The following NPAS3 variants were observed in gnomAD, a reference collection of about 807,000 sequenced individuals.
The protein encoded by NPAS3 is neuronal PAS domain protein 3, also known as neuronal PAS domain-containing protein 3.
NPAS3 carries 14 observed loss-of-function variants against 73.1 expected under a neutral mutation model. The ratio of observed to expected loss-of-function variants is 0.19; its 90% CI spans 0.13 to 0.30. The LOEUF is 0.30. Among genes scored for constraint, NPAS3 ranks in the 10% least tolerant of loss-of-function variants. The probability of loss-of-function intolerance (pLI) is 1.00; values close to 1 mark genes in which losing one functional copy is unlikely to be tolerated. For synonymous variants in NPAS3, 620 were observed against 541.5 expected (o/e 1.14, Z -2.01); for missense variants, 1,096 against 1,250.0 (o/e 0.88, Z 1.86).
chr14:33,245,284 A>T (rs1446604873), intron 3 of NPAS3, among the ~76,000 whole-genome samples: 1 of 152,186 alleles, frequency 6.6e-6, no homozygotes, highest in African/African-American at 2.4e-5. Flanking sequence ...ACTACTACTG[A>T]GTATTTCTGT....
At chr14:33,101,198 GTGT>G (rs1405882771) in intron 2 of NPAS3, among the ~76,000 whole-genome samples, 11 of 152,092 alleles carry the variant, frequency 7.2e-5, no homozygotes, top group African/African-American at 2.4e-4. Flanking sequence ...GCATTTCTGA[GTGT>G]TTGCCAATTT....
At chr14:33,784,752 T>TTTTTTTTTTA in intron 9 of NPAS3, among the ~76,000 whole-genome samples, 1 of 112,686 alleles carries the variant, frequency 8.9e-6, no homozygotes, top group Non-Finnish European at 1.8e-5. Flanking sequence ...TTTATTTTTT[T>TTTTTTTTTTA]TTTTTTTTTT....
intron 7 of NPAS3, among the ~76,000 whole-genome samples, chr14:33,753,256 ATAT>A (rs1347846765): frequency 1.3e-5 from 2 of 151,898 alleles, no homozygotes; most frequent in Non-Finnish European, 2.9e-5. Flanking sequence ...TTTATCAATA[ATAT>A]TGTTTTTCTG....
At chr14:33,708,067 A>C (rs1373198311) in intron 6 of NPAS3, among the ~76,000 whole-genome samples, 3 of 152,040 alleles carry the variant, frequency 2.0e-5, no homozygotes, top group African/African-American at 4.8e-5. Context: ...ACAAAAAAAA[A>C]CACAAAAAAG....
intron 5 of NPAS3, among the ~76,000 whole-genome samples, chr14:33,591,011 A>G (rs1777320264): frequency 6.6e-6 from 1 of 151,966 alleles, no homozygotes; most frequent in Admixed American, 6.6e-5. Flanking sequence ...CTTGGGCAGA[A>G]CTCCTACCCT....
chr14:33,204,850 C>T (rs978688966), intron 2 of NPAS3, among the ~76,000 whole-genome samples: 4 of 152,110 alleles, frequency 2.6e-5, no homozygotes, highest in Admixed American at 1.3e-4. Context: ...AGCATTTTCT[C>T]CAAATACTTC....
At chr14:33,046,189 G>A (rs1409971441) in intron 1 of NPAS3, among the ~76,000 whole-genome samples, 1 of 152,172 alleles carries the variant, frequency 6.6e-6, no homozygotes, top group Admixed American at 6.5e-5. Flanking sequence ...ACCATTGTAG[G>A]AGAGAAAATG....
intron 5 of NPAS3, among the ~76,000 whole-genome samples, chr14:33,588,009 T>C (rs1246197088): frequency 6.6e-6 from 1 of 152,226 alleles, no homozygotes; most frequent in Non-Finnish European, 1.5e-5. Flanking sequence ...TTAAAGATTA[T>C]CTGTCTTAGT....
At chr14:33,465,316 A>G (rs1397289861) in intron 4 of NPAS3, among the ~76,000 whole-genome samples, 1 of 152,214 alleles carries the variant, frequency 6.6e-6, no homozygotes, top group Non-Finnish European at 1.5e-5. Flanking sequence ...TTTATTAAGA[A>G]GTTATATGGT....
At chr14:33,056,935 T>C (rs2138541931) in intron 2 of NPAS3, among the ~76,000 whole-genome samples, 1 of 152,354 alleles carries the variant, frequency 6.6e-6, no homozygotes, top group East Asian at 1.9e-4. Flanking sequence ...TCTTAACTTC[T>C]TTTGTAGTAG....
At chr14:33,608,487 C>T (rs1595266994) in intron 5 of NPAS3, 2 of 152,078 alleles carry the variant, frequency 1.3e-5, no homozygotes, top group East Asian at 3.9e-4. Context: ...ATAAATAATA[C>T]AGTGAATAAA....
At chr14:33,264,859 G>A (rs2049112399) in intron 3 of NPAS3, among the ~76,000 whole-genome samples, 1 of 152,168 alleles carries the variant, frequency 6.6e-6, no homozygotes. Context: ...GTTCCTCAGA[G>A]ACCAGGGACC....
intron 6 of NPAS3, among the ~76,000 whole-genome samples, chr14:33,731,668 A>G (rs901737759): frequency 6.6e-6 from 1 of 152,142 alleles, no homozygotes; most frequent in Non-Finnish European, 1.5e-5. Flanking sequence ...GGAATCATGA[A>G]CAGATGTGGA....
intron 2 of NPAS3, among the ~76,000 whole-genome samples, chr14:33,095,660 TTATTTTTTTA>T (rs1163681339): frequency 3.7e-4 from 19 of 51,848 alleles, no homozygotes; most frequent in Non-Finnish European, 5.2e-4. Flanking sequence ...TTCTCTGCTT[TTATTTTTTTA>T]TTTTTTTTTT....
At chr14:33,632,218 C>T (rs960650194) in intron 5 of NPAS3, among the ~76,000 whole-genome samples, 2 of 152,254 alleles carry the variant, frequency 1.3e-5, no homozygotes, top group East Asian at 3.9e-4. Flanking sequence ...AGCGTGTCAA[C>T]TTTAGCCATA....
At chr14:33,540,848 G>T (rs926924937) in intron 4 of NPAS3, among the ~76,000 whole-genome samples, 3 of 152,072 alleles carry the variant, frequency 2.0e-5, no homozygotes, top group African/African-American at 7.2e-5. Context: ...GACAGGTAGC[G>T]GACACCACTT....
chr14:32,953,148 A>AG (rs1324160797), intron 1 of NPAS3, among the ~76,000 whole-genome samples: 5 of 151,516 alleles, frequency 3.3e-5, no homozygotes, highest in African/African-American at 1.2e-4. Flanking sequence ...AAAAAAAAAA[A>AG]CAGAGTTGGA....
chr14:33,575,329 T>A, intron 5 of NPAS3, among the ~76,000 whole-genome samples: 1 of 152,226 alleles, frequency 6.6e-6, no homozygotes, highest in East Asian at 1.9e-4. Context: ...TCTGATAATT[T>A]GAGTTGAAAG....
chr14:33,009,877 G>T (rs956629832), intron 1 of NPAS3, among the ~76,000 whole-genome samples: 1 of 152,134 alleles, frequency 6.6e-6, no homozygotes, highest in Non-Finnish European at 1.5e-5. Context: ...CCATAGTCTA[G>T]TGCTGGTTCT....
Sources: gnomAD v4.1 joint callset for allele counts (sites outside exome capture counted in the v4.1 genomes callset) on GRCh38, gnomAD v4.1.1 for gene constraint, MANE v1.5 for transcripts, NCBI Gene and HGNC (gene_info 2026-07-23, HGNC 2026-07-21) for gene names.